The following ATXN7 variants were observed in gnomAD, a reference collection of about 807,000 sequenced individuals.
The protein encoded by ATXN7 is ataxin-7.
In ATXN7, 12 loss-of-function variants were observed where a neutral mutation model predicts 70.5. That is an observed-to-expected ratio of 0.17 (90% confidence interval 0.11 to 0.28). The LOEUF (loss-of-function observed/expected upper bound fraction) is 0.28. Among genes scored for constraint, ATXN7 ranks in the 10% least tolerant of loss-of-function variants. ATXN7 has a pLI of 1.00. For missense variants in ATXN7, 1,256 were observed against 1,131.7 expected, an observed-to-expected ratio of 1.11 and a Z score of -1.58; for synonymous variants, 498 against 448.7, an observed-to-expected ratio of 1.11 and a Z score of -1.39.
intron 4 of ATXN7, among the ~76,000 whole-genome samples, chr3:63,921,729 T>C (rs2107319448): frequency 1.3e-5 from 2 of 152,282 alleles, no homozygotes; most frequent in South Asian, 4.1e-4. Flanking sequence ...TAAGATCTAG[T>C]AGGTGAGCAA....
intron 5 of ATXN7, among the ~76,000 whole-genome samples, chr3:63,962,910 T>G (rs73117084): frequency 2.0e-5 from 2 of 100,726 alleles, no homozygotes; most frequent in African/African-American, 4.0e-5. Flanking sequence ...TTGTATTTCT[T>G]TTTTTTTTTT....
At chr3:63,991,990 G>A (rs1017605617) in intron 11 of ATXN7, among the ~76,000 whole-genome samples, 7 of 152,158 alleles carry the variant, frequency 4.6e-5, no homozygotes, top group African/African-American at 1.7e-4. Context: ...TGGAGAACTA[G>A]TATTCGGTGG....
At chr3:63,925,320 G>C (rs111761070) in intron 4 of ATXN7, among the ~76,000 whole-genome samples, 1 of 152,090 alleles carries the variant, frequency 6.6e-6, no homozygotes. Context: ...CCAACTTCTC[G>C]GCTGTGGATC....
At chr3:63,898,565 T>A (rs2107262841) in intron 2 of ATXN7, 68 bp downstream of exon 2, 1 of 152,342 alleles carries the variant, frequency 6.6e-6, no homozygotes, top group South Asian at 2.1e-4. Context: ...TAATAGAGTT[T>A]GAGTTTTACC....
At chr3:63,996,646 C>G in intron 12 of ATXN7, 163 bp downstream of exon 12, 1 of 860,844 alleles carries the variant, frequency 1.2e-6, no homozygotes, top group Non-Finnish European at 1.7e-6. Flanking sequence ...AAAAAAGGTT[C>G]ACGGCCGTAT....
chr3:63,988,381 T>G (rs1198809024), intron 9 of ATXN7, 57 bp downstream of exon 9: 1 of 1,599,714 alleles, frequency 6.3e-7, no homozygotes. Context: ...TTGCAGATAC[T>G]GTAAAATTTC....
At chr3:63,935,433 C>G (rs898995106) in intron 4 of ATXN7, among the ~76,000 whole-genome samples, 2 of 151,956 alleles carry the variant, frequency 1.3e-5, no homozygotes, top group African/African-American at 2.4e-5. Context: ...TTTAAGGGTA[C>G]ATTAAAAAAA....
intron 2 of ATXN7, among the ~76,000 whole-genome samples, chr3:63,907,224 T>C (rs1186952367): frequency 6.6e-6 from 1 of 152,174 alleles, no homozygotes; most frequent in Non-Finnish European, 1.5e-5. Context: ...CAGCTCGTAG[T>C]GGTAGAAGTG....
intron 1 of ATXN7, chr3:63,866,724 G>C (rs1337335451): frequency 2.0e-5 from 3 of 152,146 alleles, no homozygotes; most frequent in Non-Finnish European, 4.4e-5. Context: ...ATATATATGA[G>C]AGAACATCTT....
At chr3:63,883,440 A>G (rs1702977479) in intron 1 of ATXN7, among the ~76,000 whole-genome samples, 1 of 152,138 alleles carries the variant, frequency 6.6e-6, no homozygotes, top group Non-Finnish European at 1.5e-5. Context: ...TGGGCAATTT[A>G]GTTATCTCTA....
chr3:63,915,752 G>A (rs1704237642), intron 4 of ATXN7, among the ~76,000 whole-genome samples: 1 of 151,626 alleles, frequency 6.6e-6, no homozygotes, highest in Non-Finnish European at 1.5e-5. Context: ...CAAGTTCTCG[G>A]CTCACTGCAA....
At chr3:63,987,154 C>T (rs535209789) in intron 8 of ATXN7, among the ~76,000 whole-genome samples, 10 of 152,290 alleles carry the variant, frequency 6.6e-5, no homozygotes, top group African/African-American at 2.2e-4. Context: ...CTTCTGTTAG[C>T]AATAGTATTA....
chr3:63,891,159 A>G (rs980749909), intron 1 of ATXN7, among the ~76,000 whole-genome samples: 2 of 151,748 alleles, frequency 1.3e-5, no homozygotes, highest in African/African-American at 4.8e-5. Context: ...ACAGGCACGC[A>G]GCACCACGCC....
At chr3:63,982,005 G>A (rs936358144) in intron 6 of ATXN7, among the ~76,000 whole-genome samples, 181 bp from the exon 7 acceptor site, 1 of 152,146 alleles carries the variant, frequency 6.6e-6, no homozygotes, top group African/African-American at 2.4e-5. Context: ...CTCACCAGAA[G>A]GGCTTATAGA....
rs1286790806 is a variant in ATXN7, at chr3:63,863,914, G to T, written c.-355G>T. ...CATGGAGGAGGAGGCGGCGGCGCCC[G>T]CGGCCGCCTGCTCCGACGCCTGAGC... On this transcript the variant is annotated 5_prime_UTR_variant, in exon 1 of 13. Transcript: ENST00000674280. 8.1e-6 allele frequency: 8 copies of T among 988,596 alleles called. No individual in the cohort carries two copies. Among genetic ancestry groups the T allele is most frequent in the East Asian group, 6.1e-5 (1 of 16,318 alleles). The allele number at this position is 988,596 out of a possible 1,614,324, so 61.2% of individuals were successfully genotyped here.
At chr3:63,867,451 G>A (rs983984098) in intron 1 of ATXN7, among the ~76,000 whole-genome samples, 2 of 152,068 alleles carry the variant, frequency 1.3e-5, no homozygotes, top group African/African-American at 2.4e-5. Flanking sequence ...TGATCCTCCT[G>A]CCACAGCCTC....
chr3:63,882,161 T>C (rs1702932287), intron 1 of ATXN7, among the ~76,000 whole-genome samples: 1 of 152,212 alleles, frequency 6.6e-6, no homozygotes, highest in African/African-American at 2.4e-5. Context: ...CTGCTGTTAC[T>C]GTTTTCCTTT....
intron 1 of ATXN7, among the ~76,000 whole-genome samples, chr3:63,865,810 G>A (rs1363773179): frequency 6.8e-6 from 1 of 146,938 alleles, no homozygotes; most frequent in Non-Finnish European, 1.5e-5. Flanking sequence ...CAGGAGAATG[G>A]CGTGAACCCG....
At chr3:63,916,944 C>T (rs1034513742) in intron 4 of ATXN7, among the ~76,000 whole-genome samples, 10 of 152,082 alleles carry the variant, frequency 6.6e-5, no homozygotes, top group African/African-American at 1.9e-4. Flanking sequence ...GATGGAGTCT[C>T]GCTGTGTCGC....
Sources: allele counts gnomAD v4.1 joint callset (sites outside exome capture counted in the v4.1 genomes callset), GRCh38; gene constraint gnomAD v4.1.1; transcripts MANE v1.5; gene names NCBI Gene and HGNC (gene_info 2026-07-23, HGNC 2026-07-21).